CDH20: variants seen among roughly 807,000 people sequenced by gnomAD.
CDH20 encodes cadherin 20, also known as cadherin-20.
Under a neutral mutation model 74.2 loss-of-function variants are expected in CDH20, and 29 were observed. The ratio of observed to expected loss-of-function variants is 0.39; its 90% CI spans 0.29 to 0.53. CDH20 has a LOEUF of 0.53. Ranked by LOEUF, CDH20 falls within the 20% of genes least tolerant of loss-of-function variation. CDH20 has a pLI of 0.69. For synonymous variants in CDH20, 469 were observed against 405.4 expected, an observed-to-expected ratio of 1.16 and a Z score of -1.88; for missense variants, 988 against 1,048.3, an observed-to-expected ratio of 0.94 and a Z score of 0.79.
At chr18:61,443,710 C>A (rs1909105466) in intron 1 of CDH20, among the ~76,000 whole-genome samples, 1 of 152,138 alleles carries the variant, frequency 6.6e-6, no homozygotes, top group Non-Finnish European at 1.5e-5. Context: ...ATAGAGGATG[C>A]AGGGCACTGA....
At chr18:61,445,697 C>G (rs1437419002) in intron 1 of CDH20, among the ~76,000 whole-genome samples, 1 of 152,178 alleles carries the variant, frequency 6.6e-6, no homozygotes, top group Admixed American at 6.5e-5. Context: ...TGCTAAAACC[C>G]TATTCCAATT....
chr18:61,549,879 C>T lies in CDH20; in HGVS notation c.1649-99C>T, dbSNP rs1913371154. On this transcript the variant is annotated intron_variant, in intron 10 of 11. Coordinates refer to ENST00000262717, the MANE Select transcript of CDH20 (RefSeq NM_031891.4). The stretch of plus-strand genomic sequence containing the variant: ...CTACCAGGGAATATCTGACTATCCT[C>T]TTTCCTTCCTACACCCTGCCCCTGC... 6.3e-6 allele frequency: 8 copies of T among 1,277,578 alleles called. No individual in the cohort carries two copies. In the Admixed American group the frequency reaches 1.5e-4, roughly 25 times the overall value. 79.1% of individuals were successfully genotyped at this position (1,277,578 alleles called of 1,614,324 possible). A position where few individuals can be genotyped will look rare whatever the true frequency, so the allele number is the denominator to read the frequency against.
At chr18:61,537,110 T>A (rs552376053) in intron 8 of CDH20, among the ~76,000 whole-genome samples, 1 of 152,144 alleles carries the variant, frequency 6.6e-6, no homozygotes, top group African/African-American at 2.4e-5. Flanking sequence ...GAATGGAAGA[T>A]TAATAACTAC....
chr18:61,353,947 GT>G lies in CDH20; in HGVS notation c.-153+20121del, dbSNP rs1358198579. Among the ~76,000 whole-genome samples the G allele has an allele frequency of 2.0e-5, 3 of 151,804 alleles. No homozygotes were observed. In the East Asian group the frequency reaches 5.8e-4, roughly 29 times the overall value. On this transcript the variant is annotated intron_variant, in intron 1 of 11. Transcript: ENST00000262717. This position sits in a 1 kb window ranked among gnomAD's most constrained non-coding sequence, Gnocchi z 4.6. ...AAATACAAAATATTAGTTGGGCATGGTGGCGTGCACCTGTGGTCCCAGCTAC... is the reference window on the plus strand; with the variant it reads ...AAATACAAAATATTAGTTGGGCATGGGGCGTGCACCTGTGGTCCCAGCTAC...
chr18:61,388,601 C>G (rs570929394), intron 1 of CDH20, among the ~76,000 whole-genome samples: 18 of 152,250 alleles, frequency 1.2e-4, no homozygotes, highest in Non-Finnish European at 2.4e-4. Flanking sequence ...CCTCACAGCT[C>G]ATTATTTTTC....
intron 1 of CDH20, among the ~76,000 whole-genome samples, chr18:61,377,473 G>T (rs534418906): frequency 6.6e-6 from 1 of 151,544 alleles, no homozygotes; most frequent in African/African-American, 2.4e-5. Context: ...CCTCATAAGT[G>T]GCCAGCCTCT....
At chr18:61,462,099 C>A (rs943547751) in intron 1 of CDH20, among the ~76,000 whole-genome samples, 7 of 152,140 alleles carry the variant, frequency 4.6e-5, no homozygotes, top group African/African-American at 1.7e-4. Context: ...GCAAAGGAAG[C>A]AGCCTCTGGT....
intron 1 of CDH20, among the ~76,000 whole-genome samples, chr18:61,484,369 G>A (rs1048752690): frequency 2.0e-5 from 3 of 152,070 alleles, no homozygotes; most frequent in African/African-American, 7.2e-5. Flanking sequence ...GGGTAAAGTA[G>A]GTCAAAAACT....
intron 11 of CDH20, among the ~76,000 whole-genome samples, chr18:61,552,588 C>G (rs561629964): frequency 2.0e-5 from 3 of 152,254 alleles, no homozygotes; most frequent in African/African-American, 7.2e-5. Context: ...GAAGCCCTAC[C>G]CAGTCTCCCA....
chr18:61,383,741 G>C (rs1253409486), intron 1 of CDH20, among the ~76,000 whole-genome samples: 3 of 152,106 alleles, frequency 2.0e-5, no homozygotes, highest in Non-Finnish European at 4.4e-5. Context: ...ATTATTTTCA[G>C]TACATTAAAA....
intron 6 of CDH20, among the ~76,000 whole-genome samples, chr18:61,523,980 C>A (rs1912299961): frequency 6.6e-6 from 1 of 151,988 alleles, no homozygotes. Flanking sequence ...TTGATAGGTG[C>A]AGCAAACCAC....
chr18:61,526,263 G>T (rs1220578015), intron 6 of CDH20, among the ~76,000 whole-genome samples: 1 of 151,166 alleles, frequency 6.6e-6, no homozygotes, highest in African/African-American at 2.4e-5. Context: ...CGAGTAGCTG[G>T]GATTACAGGC....
intron 1 of CDH20, among the ~76,000 whole-genome samples, chr18:61,375,299 T>G (rs576622110): frequency 2.0e-5 from 3 of 152,290 alleles, no homozygotes; most frequent in African/African-American, 4.8e-5. Context: ...AACTTTGTTC[T>G]TACAACTACT....
chr18:61,397,599 G>A (rs1275347232), intron 1 of CDH20, among the ~76,000 whole-genome samples: 2 of 151,990 alleles, frequency 1.3e-5, no homozygotes, highest in African/African-American at 4.8e-5. Flanking sequence ...TTTCTTTCTT[G>A]CTCACCTGTT....
intron 6 of CDH20, among the ~76,000 whole-genome samples, chr18:61,510,946 T>A (rs1911756174): frequency 6.6e-6 from 1 of 151,416 alleles, no homozygotes; most frequent in Non-Finnish European, 1.5e-5. Flanking sequence ...CTCAAATTTT[T>A]GAATTATTGG....
chr18:61,505,335 C>CTTTTTT (rs35833642), intron 5 of CDH20, among the ~76,000 whole-genome samples: 10 of 117,418 alleles, frequency 8.5e-5, no homozygotes, highest in Admixed American at 2.7e-4. Context: ...AAACCAATAT[C>CTTTTTT]TTTTTTTTTT....
At chr18:61,362,679 C>T (rs1218099377) in intron 1 of CDH20, among the ~76,000 whole-genome samples, 1 of 151,988 alleles carries the variant, frequency 6.6e-6, no homozygotes, top group African/African-American at 2.4e-5. Context: ...TGACTAAGTA[C>T]TATGTAGTAT....
chr18:61,554,755 A>G lies in CDH20; in HGVS notation c.*60A>G, dbSNP rs1355426199. ...GACGTTCTCCGCGGGTGCTTCGCGG[A>G]CAAGGTGCAGCCAACCACACGAGCA... On this transcript the variant is annotated 3_prime_UTR_variant, in exon 12 of 12. Transcript: ENST00000262717. The G allele has an allele frequency of 4.1e-6, 6 of 1,479,590 alleles. No homozygotes were observed. The South Asian group carries it at 8.0e-5, about 20-fold the overall frequency. 91.7% of individuals were successfully genotyped at this position (1,479,590 alleles called of 1,614,324 possible).
intron 1 of CDH20, among the ~76,000 whole-genome samples, chr18:61,410,449 G>C (rs1210989145): frequency 6.6e-6 from 1 of 152,158 alleles, no homozygotes; most frequent in Non-Finnish European, 1.5e-5. Context: ...TATGCTTCTA[G>C]TGAAACTGTA....
Sources: allele counts gnomAD v4.1 joint callset (sites outside exome capture counted in the v4.1 genomes callset), GRCh38; gene constraint gnomAD v4.1.1; non-coding constraint Gnocchi (gnomAD v3.1); transcripts MANE v1.5; gene names NCBI Gene and HGNC (gene_info 2026-07-23, HGNC 2026-07-21).